The following MED12L variants were observed in gnomAD, a reference collection of about 807,000 sequenced individuals.
The protein encoded by MED12L is mediator complex subunit 12L, also known as mediator of RNA polymerase II transcription subunit 12-like protein.
Under a neutral mutation model 281.3 loss-of-function variants are expected in MED12L, and 60 were observed. The observed-to-expected ratio is 0.21, with a 90% confidence interval of 0.17 to 0.26. The LOEUF is 0.26. MED12L is among the 10% of genes least tolerant of loss of function. MED12L has a pLI of 1.00. For synonymous variants in MED12L, 974 were observed against 987.2 expected (o/e 0.99, Z 0.25); for missense variants, 2,146 against 2,680.9 (o/e 0.80, Z 4.41).
intron 16 of MED12L, among the ~76,000 whole-genome samples, chr3:151,332,809 G>A (rs1750501857): frequency 1.3e-5 from 2 of 151,920 alleles, no homozygotes; most frequent in African/African-American, 2.4e-5. Flanking sequence ...ATTGTGTTTT[G>A]TAGGGGTTTG....
intron 2 of MED12L, among the ~76,000 whole-genome samples, chr3:151,108,356 A>G (rs544214713): frequency 6.6e-6 from 1 of 152,162 alleles, no homozygotes; most frequent in Non-Finnish European, 1.5e-5. Context: ...ATGAGGAGTA[A>G]AAGATTCTTC....
At chr3:151,141,178 G>GTTTTTTTTTTTTTTTTT (rs370095367) in intron 5 of MED12L, among the ~76,000 whole-genome samples, 6 of 102,228 alleles carry the variant, frequency 5.9e-5, no homozygotes, top group East Asian at 3.3e-4. Context: ...TTTTTTTTTT[G>GTTTTTTTTTTTTTTTTT]TTTTTTTTGT....
intron 5 of MED12L, among the ~76,000 whole-genome samples, chr3:151,150,204 A>G (rs764739942): frequency 9.9e-5 from 15 of 152,242 alleles, no homozygotes; most frequent in Non-Finnish European, 1.8e-4. Context: ...TTAAATAATA[A>G]TATTTGAAAG....
Position 151,434,924 on chromosome 3 carries a change from G to A in MED12L, c.*2120G>A, listed in dbSNP as rs1342984926. 1 of 152,150 alleles carries A rather than the reference G, an allele frequency of 6.6e-6. No homozygotes were observed. The highest frequency in any genetic ancestry group is 1.5e-5 in the Non-Finnish European group (1 of 68,018). 9.4% of individuals were successfully genotyped at this position (152,150 alleles called of 1,614,324 possible). A position where few individuals can be genotyped will look rare whatever the true frequency, so the allele number is the denominator to read the frequency against. The stretch of plus-strand genomic sequence containing the variant: ...TTCTTTTTTTAGGTGAGGAAGTTAT[G>A]CTACGACTCTAATTAATTCCACGAT... On this transcript the variant is annotated 3_prime_UTR_variant, in exon 45 of 45. Coordinates refer to ENST00000687756, the MANE Select transcript of MED12L (RefSeq NM_001393769.1).
intron 16 of MED12L, among the ~76,000 whole-genome samples, chr3:151,220,569 G>T (rs912644571): frequency 6.6e-6 from 1 of 152,192 alleles, no homozygotes; most frequent in African/African-American, 2.4e-5. Context: ...AATTATGGGG[G>T]TGGGTCTTTC....
At chr3:151,427,872 A>G (rs1252974432) in intron 43 of MED12L, among the ~76,000 whole-genome samples, 1 of 152,234 alleles carries the variant, frequency 6.6e-6, no homozygotes, top group Non-Finnish European at 1.5e-5. Flanking sequence ...TGTGTTCACC[A>G]CAGTGAAATA....
At chr3:151,284,167 G>A (rs914427782) in intron 16 of MED12L, among the ~76,000 whole-genome samples, 2 of 152,168 alleles carry the variant, frequency 1.3e-5, no homozygotes, top group Non-Finnish European at 2.9e-5. Flanking sequence ...TGTGTGGGAG[G>A]AGCATGGCCT....
At chr3:151,154,492 G>T (rs189626235) in intron 5 of MED12L, among the ~76,000 whole-genome samples, 1 of 152,006 alleles carries the variant, frequency 6.6e-6, no homozygotes, top group African/African-American at 2.4e-5. Context: ...TAATGAACGC[G>T]TATTTCTCCT....
chr3:151,300,897 T>C (rs1032141604), intron 16 of MED12L, among the ~76,000 whole-genome samples: 1 of 152,224 alleles, frequency 6.6e-6, no homozygotes, highest in Non-Finnish European at 1.5e-5. Flanking sequence ...TGTTCCTGTG[T>C]GTGTCCTTCT....
At chr3:151,371,551 T>C (rs1251141038) in intron 26 of MED12L, among the ~76,000 whole-genome samples, 4 of 152,230 alleles carry the variant, frequency 2.6e-5, no homozygotes, top group African/African-American at 4.8e-5. Context: ...AAATACTCAG[T>C]AAGCCATTTT....
intron 16 of MED12L, chr3:151,198,877 C>T (rs759823437): frequency 1.2e-6 from 2 of 1,613,986 alleles, no homozygotes; most frequent in South Asian, 2.2e-5. Flanking sequence ...TTCCAAATTC[C>T]TTTTTAAACT....
chr3:151,365,729 C>A, intron 22 of MED12L, 121 bp from the exon 23 acceptor site: 1 of 871,722 alleles, frequency 1.1e-6, no homozygotes, highest in South Asian at 2.3e-5. Context: ...AGTATTTTAT[C>A]TGTGAATCTA....
At chr3:151,201,798 T>C (rs1725632737) in intron 16 of MED12L, among the ~76,000 whole-genome samples, 1 of 152,242 alleles carries the variant, frequency 6.6e-6, no homozygotes, top group African/African-American at 2.4e-5. Context: ...TGTGCATTGA[T>C]ATAGTGTCAC....
Position 151,280,180 on chromosome 3 carries a change from A to G in MED12L, c.2251-69879A>G, listed in dbSNP as rs557159806. On this transcript the variant is annotated intron_variant, in intron 16 of 44. Coordinates refer to ENST00000687756, the MANE Select transcript of MED12L (RefSeq NM_001393769.1). ...GTACAAATGGGTTGGACTCTGTGTA[A>G]GACACTTGGGAGTAGAGGGAGTATG... Among the ~76,000 whole-genome samples the G allele has an allele frequency of 1.1e-4, 16 of 152,180 alleles. 1 individual carries two copies. The highest frequency in any genetic ancestry group is 1.9e-4 in the East Asian group (1 of 5,190).
intron 16 of MED12L, among the ~76,000 whole-genome samples, chr3:151,246,300 C>T (rs998373776): frequency 6.6e-6 from 1 of 152,064 alleles, no homozygotes; most frequent in Non-Finnish European, 1.5e-5. Context: ...CAAAAAAGAG[C>T]CCGTATCGCC....
intron 16 of MED12L, among the ~76,000 whole-genome samples, chr3:151,300,559 T>C (rs1007787601): frequency 5.9e-5 from 9 of 152,212 alleles, no homozygotes; most frequent in Non-Finnish European, 1.0e-4. Context: ...CTATCACGTA[T>C]TGACCATAGA....
At chr3:151,393,969 C>G (rs1231473676) in intron 38 of MED12L, among the ~76,000 whole-genome samples, 1 of 152,082 alleles carries the variant, frequency 6.6e-6, no homozygotes, top group Non-Finnish European at 1.5e-5. Flanking sequence ...GTGAAGCCAG[C>G]AAATGTCGAC....
intron 16 of MED12L, among the ~76,000 whole-genome samples, chr3:151,240,906 G>A (rs969674586): frequency 2.6e-5 from 4 of 152,206 alleles, no homozygotes; most frequent in Non-Finnish European, 2.9e-5. Flanking sequence ...TTGATTAGCT[G>A]TGTCATCTTG....
rs1719620576 is a variant in MED12L at position 151,432,271 on chromosome 3, C to T, written c.6491-481C>T. On this transcript the variant is annotated intron_variant, in intron 44 of 44. Transcript: ENST00000687756. ...ACATAGGCACACGCTTGAGTCATCA[C>T]ACACGGACAGTCTTGCACCTGCATA... Among the ~76,000 whole-genome samples the T allele has an allele frequency of 2.0e-5, 3 of 152,256 alleles. No homozygotes were observed. In the South Asian group the frequency reaches 6.2e-4, roughly 32 times the overall value.
Sources: gnomAD v4.1 joint callset for allele counts (sites outside exome capture counted in the v4.1 genomes callset) on GRCh38, gnomAD v4.1.1 for gene constraint, MANE v1.5 for transcripts, NCBI Gene and HGNC (gene_info 2026-07-23, HGNC 2026-07-21) for gene names.